Variants in ROBO2 observed in about 807,000 individuals in gnomAD.
ROBO2 encodes the protein roundabout homolog 2.
A neutral mutation model predicts 160.8 loss-of-function variants in ROBO2; 53 were observed. That is an observed-to-expected ratio of 0.33 (90% CI 0.26 to 0.41). The LOEUF (loss-of-function observed/expected upper bound fraction) is 0.41, where lower values mean the gene tolerates loss of function less well. ROBO2 is among the 10% of genes least tolerant of loss of function. The probability of loss-of-function intolerance (pLI) is 1.00; values close to 1 mark genes in which losing one functional copy is unlikely to be tolerated. For missense variants in ROBO2, 1,577 were observed against 1,722.4 expected (o/e 0.92, Z 1.49); for synonymous variants, 664 against 611.7 (o/e 1.09, Z -1.26).
intron 2 of ROBO2, among the ~76,000 whole-genome samples, chr3:77,131,254 A>C (rs1229787330): frequency 6.6e-6 from 1 of 152,188 alleles, no homozygotes. Flanking sequence ...AAGGCATCTG[A>C]ATTTTCTTCC....
chr3:77,367,509 C>G (rs1393424219), intron 2 of ROBO2, among the ~76,000 whole-genome samples: 1 of 151,878 alleles, frequency 6.6e-6, no homozygotes, highest in Admixed American at 6.6e-5. Flanking sequence ...CGATAGTTTT[C>G]ATAGACAGGT....
At chr3:76,169,151 A>G (rs2072943128) in intron 2 of ROBO2, among the ~76,000 whole-genome samples, 1 of 152,198 alleles carries the variant, frequency 6.6e-6, no homozygotes, top group South Asian at 2.1e-4. Flanking sequence ...CTTAGAAAGT[A>G]TCTTCAAGAT....
intron 2 of ROBO2, among the ~76,000 whole-genome samples, chr3:76,987,205 T>C (rs1285203379): frequency 6.6e-6 from 1 of 152,194 alleles, no homozygotes; most frequent in African/African-American, 2.4e-5. Flanking sequence ...ATTACTAATT[T>C]CATGCTTTTA....
intron 2 of ROBO2, among the ~76,000 whole-genome samples, chr3:75,983,493 G>A (rs980003343): frequency 3.3e-5 from 5 of 151,370 alleles, no homozygotes; most frequent in Admixed American, 6.6e-5. Context: ...TAGTAACAGA[G>A]ACTAACTGTA....
intron 2 of ROBO2, among the ~76,000 whole-genome samples, chr3:76,197,120 GTC>G (rs1559631484): frequency 8.1e-6 from 1 of 123,592 alleles, no homozygotes; most frequent in Admixed American, 7.6e-5. Context: ...GAGCTAATCA[GTC>G]TCTCTATAGA....
intron 2 of ROBO2, among the ~76,000 whole-genome samples, chr3:76,791,333 C>T (rs932765165): frequency 1.3e-5 from 2 of 151,706 alleles, no homozygotes; most frequent in African/African-American, 4.8e-5. Flanking sequence ...CTGTCCCCAG[C>T]CCTGTGTGAT....
At chr3:77,494,823 A>G (rs2086585879) in intron 5 of ROBO2, among the ~76,000 whole-genome samples, 1 of 152,258 alleles carries the variant, frequency 6.6e-6, no homozygotes, top group Admixed American at 6.5e-5. Context: ...AAATGCATCA[A>G]CCATTTATAA....
chr3:77,057,594 T>G (rs2065886034), intron 1 of ROBO2, among the ~76,000 whole-genome samples: 1 of 95,312 alleles, frequency 1.0e-5, no homozygotes, highest in African/African-American at 3.8e-5. Flanking sequence ...TTTTTTGAGA[T>G]GTAGTCTCGC....
At position 76,178,418 on chromosome 3, in the gene ROBO2, G is replaced by T. The variant is rs567325074; in HGVS notation, c.109+240816G>T. On this transcript the variant is annotated intron_variant, in intron 2 of 26. Coordinates refer to the ROBO2 transcript ENST00000487694. The stretch of plus-strand genomic sequence containing the variant: ...ATAAGAAGACTTGAAGCTTAAATTG[G>T]TGTAGAAAAACAATGTTAAGCAGGA... Among the ~76,000 whole-genome samples the T allele has an allele frequency of 9.9e-5, 15 of 152,236 alleles. No individual in the cohort carries two copies. The South Asian group carries it at 2.9e-3, about 29-fold the overall frequency.
At chr3:77,563,128 G>A (rs1293118342) in intron 10 of ROBO2, 39 bp from the exon 12 acceptor site, 5 of 1,601,466 alleles carry the variant, frequency 3.1e-6, no homozygotes, top group Admixed American at 3.3e-5. Context: ...GTCAACTTAT[G>A]CAATCAGGAA....
intron 2 of ROBO2, among the ~76,000 whole-genome samples, chr3:77,467,350 G>A (rs1424189649): frequency 6.6e-6 from 1 of 152,102 alleles, no homozygotes; most frequent in Non-Finnish European, 1.5e-5. Context: ...AGGAAGGAAT[G>A]CAGAGAGTTA....
At chr3:76,020,273 A>G (rs1456921170) in intron 2 of ROBO2, among the ~76,000 whole-genome samples, 1 of 151,602 alleles carries the variant, frequency 6.6e-6, no homozygotes, top group Non-Finnish European at 1.5e-5. Context: ...TTTTATTTTC[A>G]TGTGTGATTC....
chr3:76,086,444 C>T (rs1298524771), intron 2 of ROBO2, among the ~76,000 whole-genome samples: 3 of 152,044 alleles, frequency 2.0e-5, no homozygotes, highest in Non-Finnish European at 4.4e-5. Flanking sequence ...CCAACTTCAG[C>T]CACTTCTTGT....
At chr3:77,140,098 A>G (rs1388458580) in intron 2 of ROBO2, among the ~76,000 whole-genome samples, 1 of 152,210 alleles carries the variant, frequency 6.6e-6, no homozygotes, top group Non-Finnish European at 1.5e-5. Context: ...TAAATGAACA[A>G]TTACATTCCA....
intron 5 of ROBO2, among the ~76,000 whole-genome samples, chr3:77,506,104 G>T (rs1023397047): frequency 3.9e-5 from 6 of 152,062 alleles, no homozygotes; most frequent in Non-Finnish European, 7.4e-5. Context: ...CAAACCTCAG[G>T]TCTCTCTAAT....
intron 2 of ROBO2, among the ~76,000 whole-genome samples, chr3:76,376,090 TTATCA>T (rs2076332220): frequency 6.6e-6 from 1 of 152,166 alleles, no homozygotes. Flanking sequence ...TGCAAAGTAC[TTATCA>T]TATTTGTTGA....
At chr3:76,293,347 A>C (rs1213209862) in intron 2 of ROBO2, among the ~76,000 whole-genome samples, 2 of 152,196 alleles carry the variant, frequency 1.3e-5, no homozygotes, top group African/African-American at 2.4e-5. Flanking sequence ...ATGGAGAGGC[A>C]CAGGCAGGGG....
At chr3:77,081,397 AG>A (rs1160430499) in intron 1 of ROBO2, among the ~76,000 whole-genome samples, 1 of 152,224 alleles carries the variant, frequency 6.6e-6, no homozygotes, top group African/African-American at 2.4e-5. Flanking sequence ...CCTCTGAGGC[AG>A]CTTGAGAGTG....
intron 2 of ROBO2, among the ~76,000 whole-genome samples, chr3:76,159,761 C>T (rs1462835274): frequency 6.6e-6 from 1 of 152,124 alleles, no homozygotes; most frequent in African/African-American, 2.4e-5. Context: ...ACCAGCCACC[C>T]TAGTTCTTTA....
Sources: allele counts gnomAD v4.1 joint callset (sites outside exome capture counted in the v4.1 genomes callset), GRCh38; gene constraint gnomAD v4.1.1; transcripts MANE v1.5; gene names NCBI Gene and HGNC (gene_info 2026-07-23, HGNC 2026-07-21).